PPP2R1B: variants seen among roughly 807,000 people sequenced by gnomAD.
PPP2R1B encodes the protein serine/threonine-protein phosphatase 2A 65 kDa regulatory subunit A beta isoform.
A neutral mutation model predicts 72.7 loss-of-function variants in PPP2R1B; 58 were observed. That is an observed-to-expected ratio of 0.80 (90% CI 0.65 to 0.99). The LOEUF (loss-of-function observed/expected upper bound fraction) is 0.99. PPP2R1B is among the 50% of genes least tolerant of loss of function. The probability of loss-of-function intolerance (pLI) is 0.00; values close to 1 mark genes in which losing one functional copy is unlikely to be tolerated. For synonymous variants in PPP2R1B, 256 were observed against 264.6 expected, an observed-to-expected ratio of 0.97 and a Z score of 0.32; for missense variants, 695 against 733.6, an observed-to-expected ratio of 0.95 and a Z score of 0.61.
intron 3 of PPP2R1B, among the ~76,000 whole-genome samples, chr11:111,764,067 G>A (rs1348229266): frequency 3.3e-5 from 5 of 152,090 alleles, no homozygotes; most frequent in Non-Finnish European, 7.4e-5. Flanking sequence ...ATCTCCCAAG[G>A]TCTTCCCTGA....
At position 111,766,284 on chromosome 11, in the gene PPP2R1B, CG is replaced by C; in HGVS notation, c.77del (p.Ala26GlyfsTer3). The C allele has an allele frequency of 6.2e-7, 1 of 1,614,004 alleles. No homozygotes were observed. Among genetic ancestry groups the C allele is most frequent in the Non-Finnish European group, 8.5e-7 (1 of 1,179,942 alleles). On this transcript the variant is annotated frameshift_variant, in exon 1 of 15. Transcript: ENST00000527614. LOFTEE classifies it high-confidence loss of function. ...CATTGCGGAGCTCGTCGATTAAAAC[CG>C]CGATCGGGTATAGCGAATCATCTCC... The part of the protein sequence containing the change: ...GDGDDSLYPI[A>X]VLIDELRNED...
At chr11:111,756,889 G>A (rs1340673579) in intron 5 of PPP2R1B, among the ~76,000 whole-genome samples, 2 of 151,932 alleles carry the variant, frequency 1.3e-5, no homozygotes, top group East Asian at 1.9e-4. Context: ...CGAGGCAGGC[G>A]GATCACCTGA....
At chr11:111,743,644 G>A (rs954669118) in intron 11 of PPP2R1B, 114 bp from the exon 12 acceptor site, 1 of 1,222,650 alleles carries the variant, frequency 8.2e-7, no homozygotes, top group African/African-American at 1.5e-5. Flanking sequence ...TCTGCAATCA[G>A]ACTCCACATG....
chr11:111,754,910 C>G (rs1945044595), intron 7 of PPP2R1B, 70 bp downstream of exon 7: 12 of 1,389,168 alleles, frequency 8.6e-6, no homozygotes, highest in Non-Finnish European at 1.1e-5. Flanking sequence ...AAAAAACATG[C>G]AAAATTGACT....
chr11:111,703,522 C>A, the PPP2R1B span: 1 of 1,013,222 alleles, frequency 9.9e-7, no homozygotes, highest in South Asian at 1.4e-5. Context: ...GTATCTCCAG[C>A]GCCTAGGCGT....
intron 15 of PPP2R1B, chr11:111,728,631 A>AGAC (rs1441073314): frequency 6.6e-6 from 1 of 151,918 alleles, no homozygotes; most frequent in African/African-American, 2.4e-5. Flanking sequence ...AATGTATGAA[A>AGAC]GACAAGAGCA....
intron 1 of PPP2R1B, 47 bp downstream of exon 1, chr11:111,766,201 A>G: frequency 6.3e-7 from 1 of 1,594,876 alleles, no homozygotes. Context: ...CTTCTCTACC[A>G]CGCGACCAGC....
chr11:111,715,259 G>C, the PPP2R1B span, among the ~76,000 whole-genome samples: 1 of 152,182 alleles, frequency 6.6e-6, no homozygotes, highest in Non-Finnish European at 1.5e-5. Context: ...AAAAACGCTT[G>C]TCCCTCTTCC....
At chr11:111,694,601 T>G in the PPP2R1B span, among the ~76,000 whole-genome samples, 1 of 152,190 alleles carries the variant, frequency 6.6e-6, no homozygotes, top group Non-Finnish European at 1.5e-5. Flanking sequence ...TTTTAAAAAT[T>G]TTTAAGTATT....
chr11:111,708,651 ACAGCTCACTTTAGCCTC>A, the PPP2R1B span, among the ~76,000 whole-genome samples: 5 of 152,098 alleles, frequency 3.3e-5, no homozygotes, highest in Non-Finnish European at 7.4e-5. Context: ...AGTGGCAATC[ACAGCTCACTTTAGCCTC>A]AACCTCCTGG....
At chr11:111,701,523 G>C in the PPP2R1B span, 1 of 1,613,920 alleles carries the variant, frequency 6.2e-7, no homozygotes, top group Non-Finnish European at 8.5e-7. The surrounding 1 kb of genome is among the most constrained non-coding windows in gnomAD (Gnocchi z 4.2). Flanking sequence ...TTCCAATTTT[G>C]AGGCAGAGGG....
At chr11:111,703,514 A>T in the PPP2R1B span, 1 of 1,121,520 alleles carries the variant, frequency 8.9e-7, no homozygotes, top group Non-Finnish European at 1.3e-6. Flanking sequence ...TAGCACATGT[A>T]TCTCCAGCGC....
intron 14 of PPP2R1B, 145 bp downstream of exon 14, chr11:111,741,908 A>C (rs1021018765): frequency 1.2e-6 from 1 of 838,886 alleles, no homozygotes; most frequent in Non-Finnish European, 2.0e-6. Context: ...TTCTAATCAG[A>C]GAGACACCAG....
chr11:111,765,249 G>A (rs1945479539), intron 2 of PPP2R1B, 45 bp downstream of exon 2: 2 of 1,533,162 alleles, frequency 1.3e-6, no homozygotes, highest in South Asian at 2.3e-5. Flanking sequence ...AAAGCTACTG[G>A]AAAATGGAAT....
In PPP2R1B at chr11:111,755,275, C is replaced by T. The variant is rs781988001; in HGVS notation, c.843+20G>A. On this transcript the variant is annotated intron_variant, in intron 6 of 14. Transcript: ENST00000527614. ...TGTTTTCAGGTTTATTTCCTTAGTA[C>T]TTAAAAATGATCACTTTACCTCTGA... is the stretch of plus-strand genomic sequence containing the variant. 1.9e-6 allele frequency: 3 copies of T among 1,591,538 alleles called. No homozygotes were observed. Among genetic ancestry groups the T allele is most frequent in the Non-Finnish European group, 2.6e-6 (3 of 1,172,090 alleles).
At chr11:111,753,883 C>T (rs541795096) in intron 8 of PPP2R1B, among the ~76,000 whole-genome samples, 202 of 151,532 alleles carry the variant, frequency 1.3e-3, no homozygotes, top group Non-Finnish European at 2.4e-3. Flanking sequence ...CCTCTCAAAG[C>T]GCTGGGATTA....
At chr11:111,743,225 T>C (rs903154568) in intron 12 of PPP2R1B, 151 bp downstream of exon 12, 10 of 862,494 alleles carry the variant, frequency 1.2e-5, no homozygotes, top group East Asian at 2.8e-5. Context: ...AATTTTAAAA[T>C]TGACATTTTC....
chr11:111,760,004 T>C, intron 4 of PPP2R1B, 53 bp from the exon 5 acceptor site: 1 of 1,560,046 alleles, frequency 6.4e-7, no homozygotes, highest in Non-Finnish European at 8.7e-7. Flanking sequence ...TGAATAAACC[T>C]GCCCCCCATA....
intron 6 of PPP2R1B, 95 bp downstream of exon 6, chr11:111,755,200 C>G: frequency 6.5e-7 from 1 of 1,534,080 alleles, no homozygotes; most frequent in Non-Finnish European, 8.8e-7. Flanking sequence ...ACAGCACTTC[C>G]CATTGAAAAG....
Sources: allele counts gnomAD v4.1 joint callset (sites outside exome capture counted in the v4.1 genomes callset), GRCh38; gene constraint gnomAD v4.1.1; non-coding constraint Gnocchi (gnomAD v3.1); transcripts MANE v1.5; gene names NCBI Gene and HGNC (gene_info 2026-07-23, HGNC 2026-07-21).